The following DDAH1 variants were observed in gnomAD, a reference collection of about 807,000 sequenced individuals.
DDAH1 encodes dimethylarginine dimethylaminohydrolase 1.
Under a neutral mutation model 28.8 loss-of-function variants are expected in DDAH1, and 19 were observed. The observed-to-expected ratio is 0.66, with a 90% CI of 0.46 to 0.97. The LOEUF is 0.97. Among genes scored for constraint, DDAH1 ranks in the 50% least tolerant of loss-of-function variants. The pLI, the probability that DDAH1 is intolerant of heterozygous loss-of-function variation, is 0.00. For missense variants in DDAH1, 326 were observed against 375.9 expected (o/e 0.87, Z 1.10); for synonymous variants, 153 against 154.4 (o/e 0.99, Z 0.07).
intron 1 of DDAH1, among the ~76,000 whole-genome samples, chr1:85,376,350 C>T (rs1650663787): frequency 6.6e-6 from 1 of 152,024 alleles, no homozygotes; most frequent in South Asian, 2.1e-4. Flanking sequence ...AGTTTATCCC[C>T]CATTTAGATA....
chr1:85,377,163 C>A (rs1221717369), intron 1 of DDAH1, among the ~76,000 whole-genome samples: 2 of 152,098 alleles, frequency 1.3e-5, no homozygotes, highest in African/African-American at 4.8e-5. Flanking sequence ...CTCTCCCCTG[C>A]CACAGAGGCA....
At chr1:85,346,033 C>T (rs1648820144) in intron 4 of DDAH1, among the ~76,000 whole-genome samples, 1 of 152,196 alleles carries the variant, frequency 6.6e-6, no homozygotes, top group Non-Finnish European at 1.5e-5. Flanking sequence ...TAAGAATCCA[C>T]TTCATTAACC....
chr1:85,394,659 T>C (rs1651719906), intron 1 of DDAH1, among the ~76,000 whole-genome samples: 1 of 152,202 alleles, frequency 6.6e-6, no homozygotes, highest in African/African-American at 2.4e-5. Context: ...ACTGTAAAAA[T>C]GGTTAACAAG....
At chr1:85,339,735 A>G (rs948706030) in intron 4 of DDAH1, among the ~76,000 whole-genome samples, 1 of 152,196 alleles carries the variant, frequency 6.6e-6, no homozygotes. Context: ...GTTTCACCCT[A>G]TGCTTTATTA....
At chr1:85,455,186 A>C (rs1415915475) in intron 1 of DDAH1, among the ~76,000 whole-genome samples, 4 of 152,196 alleles carry the variant, frequency 2.6e-5, no homozygotes, top group Non-Finnish European at 5.9e-5. Context: ...CTAAAATATG[A>C]CCTAAAGCCA....
chr1:85,366,114 A>G (rs1650064247), intron 1 of DDAH1, among the ~76,000 whole-genome samples: 1 of 152,020 alleles, frequency 6.6e-6, no homozygotes, highest in South Asian at 2.1e-4. Context: ...AAAAAAAACA[A>G]AACAACCAAC....
At chr1:85,533,615 C>T (rs1402498909) in intron 1 of DDAH1, among the ~76,000 whole-genome samples, 12 of 151,996 alleles carry the variant, frequency 7.9e-5, no homozygotes, top group African/African-American at 2.9e-4. Context: ...GAATTTGCAC[C>T]TAAAGACAAG....
intron 1 of DDAH1, among the ~76,000 whole-genome samples, chr1:85,378,295 A>G (rs531871403): frequency 1.4e-4 from 21 of 152,356 alleles, no homozygotes; most frequent in African/African-American, 5.0e-4. Context: ...GCATGTCTTC[A>G]TTAATAAAAA....
intron 1 of DDAH1, among the ~76,000 whole-genome samples, chr1:85,402,242 C>A (rs528230678): frequency 2.1e-4 from 31 of 150,058 alleles, no homozygotes; most frequent in African/African-American, 7.6e-4. Flanking sequence ...CCTCAGTGAT[C>A]CTCCTGCCTT....
chr1:85,473,080 T>C (rs1655673668), intron 2 of DDAH1, among the ~76,000 whole-genome samples: 1 of 152,250 alleles, frequency 6.6e-6, no homozygotes, highest in South Asian at 2.1e-4. Context: ...CTGTGTAATA[T>C]TCCATAGTGT....
At chr1:85,404,417 CT>C in intron 1 of DDAH1, 6 of 1,534,612 alleles carry the variant, frequency 3.9e-6, no homozygotes, top group Non-Finnish European at 5.2e-6. Flanking sequence ...TCCAGAACTG[CT>C]TTTGGGAAGC....
At chr1:85,515,638 T>A (rs1241498915) in intron 1 of DDAH1, among the ~76,000 whole-genome samples, 1 of 151,968 alleles carries the variant, frequency 6.6e-6, no homozygotes, top group Non-Finnish European at 1.5e-5. Flanking sequence ...CTTCGAATAC[T>A]GTTAAAATTT....
intron 1 of DDAH1, among the ~76,000 whole-genome samples, chr1:85,449,132 C>T (rs1654558089): frequency 6.6e-6 from 1 of 152,154 alleles, no homozygotes; most frequent in Non-Finnish European, 1.5e-5. Context: ...AGGGATGGTT[C>T]CGACTCTGGG....
chr1:85,487,175 A>T (rs970137190), intron 2 of DDAH1, among the ~76,000 whole-genome samples: 2 of 152,230 alleles, frequency 1.3e-5, no homozygotes, highest in African/African-American at 4.8e-5. Flanking sequence ...TGTACTTAGG[A>T]CTTCCAACCA....
chr1:85,428,178 A>G (rs112978450), intron 1 of DDAH1, among the ~76,000 whole-genome samples: 11 of 152,252 alleles, frequency 7.2e-5, no homozygotes, highest in African/African-American at 2.4e-4. Flanking sequence ...GAAGAAGGAT[A>G]TTATTGTATG....
chr1:85,560,099 T>C (rs940308097), intron 1 of DDAH1, among the ~76,000 whole-genome samples: 1 of 151,840 alleles, frequency 6.6e-6, no homozygotes, highest in Non-Finnish European at 1.5e-5. Flanking sequence ...GTAATCAAGA[T>C]GAAATAAACA....
rs988326557 is a variant in DDAH1, at chr1:85,320,583, G to A, written c.*869C>T. ...GTAATGAAGCAAAAATTCATGGTAT[G>A]TGACTTAAAGACTTTCTAAGACATT... is the stretch of plus-strand genomic sequence containing the variant. On this transcript the variant is annotated 3_prime_UTR_variant, in exon 6 of 6. Transcript: ENST00000284031. The A allele has an allele frequency of 6.6e-6, 1 of 152,026 alleles. No individual in the cohort carries two copies. The highest frequency in any genetic ancestry group is 6.6e-5 in the Admixed American group (1 of 15,258). 9.4% of individuals were successfully genotyped at this position (152,026 alleles called of 1,614,324 possible). A position where few individuals can be genotyped will look rare whatever the true frequency, so the allele number is the denominator to read the frequency against.
At chr1:85,486,265 A>G (rs963764355) in intron 2 of DDAH1, among the ~76,000 whole-genome samples, 6 of 152,174 alleles carry the variant, frequency 3.9e-5, no homozygotes, top group African/African-American at 1.4e-4. Flanking sequence ...GAGAAGTAAA[A>G]TGCTGTTAAA....
chr1:85,467,099 C>T (rs1385891567), upstream of DDAH1, among the ~76,000 whole-genome samples: 1 of 151,844 alleles, frequency 6.6e-6, no homozygotes, highest in Non-Finnish European at 1.5e-5. Flanking sequence ...GGCCTCCCAA[C>T]GTGCTGGGAT....
Sources: allele counts gnomAD v4.1 joint callset (sites outside exome capture counted in the v4.1 genomes callset), GRCh38; gene constraint gnomAD v4.1.1; transcripts MANE v1.5; gene names NCBI Gene and HGNC (gene_info 2026-07-23, HGNC 2026-07-21).